The following GLIS3 variants were observed in gnomAD, a reference collection of about 807,000 sequenced individuals.
GLIS3 encodes zinc finger protein GLIS3.
GLIS3 carries 53 observed loss-of-function variants against 78.6 expected under a neutral mutation model. The ratio of observed to expected loss-of-function variants is 0.67; its 90% CI spans 0.54 to 0.85. The LOEUF is 0.85. GLIS3 is among the 40% of genes least tolerant of loss of function. The pLI is 0.00. For synonymous variants in GLIS3, 684 were observed against 509.9 expected, an observed-to-expected ratio of 1.34 and a Z score of -4.60; for missense variants, 1,703 against 1,231.1, an observed-to-expected ratio of 1.38 and a Z score of -5.74.
chr9:4,315,539 C>G (rs754068089), intron 2 of GLIS3, among the ~76,000 whole-genome samples: 4 of 152,064 alleles, frequency 2.6e-5, no homozygotes, highest in Non-Finnish European at 4.4e-5. Context: ...AGAGTTAATT[C>G]CTAAACTTCA....
chr9:4,316,817 G>A (rs1314114741), intron 2 of GLIS3, among the ~76,000 whole-genome samples: 1 of 152,180 alleles, frequency 6.6e-6, no homozygotes, highest in Non-Finnish European at 1.5e-5. Flanking sequence ...AAAAATGTAT[G>A]CATAGCTCAA....
rs144748718 is a variant in GLIS3, at chr9:3,924,709, A to T, written c.1983+7651T>A. Among the ~76,000 whole-genome samples, 41 of 152,344 alleles carry T rather than the reference A, an allele frequency of 2.7e-4. 1 individual carries two copies. The highest frequency in any genetic ancestry group is 9.6e-4 in the African/African-American group (40 of 41,576). On this transcript the variant is annotated intron_variant, in intron 6 of 10. Coordinates refer to ENST00000381971, the MANE Select transcript of GLIS3 (RefSeq NM_001042413.2). ...CTACCAGAGGGAGCAGTAATTGCACAAAGGACATGAATACTTTGGTGGGGA... is the reference window on the plus strand; with the variant it reads ...CTACCAGAGGGAGCAGTAATTGCACTAAGGACATGAATACTTTGGTGGGGA...
At chr9:4,054,181 G>T (rs950071162) in intron 4 of GLIS3, 3 of 255,444 alleles carry the variant, frequency 1.2e-5, no homozygotes, top group African/African-American at 6.9e-5. Context: ...GGACTCTCTG[G>T]TGGCACAGCA....
At chr9:4,368,984 A>G in the GLIS3 span, among the ~76,000 whole-genome samples, 2 of 152,202 alleles carry the variant, frequency 1.3e-5, no homozygotes, top group Non-Finnish European at 2.9e-5. Flanking sequence ...ACAATGGGAA[A>G]AAGAATGATG....
intron 2 of GLIS3, among the ~76,000 whole-genome samples, chr9:4,254,564 G>C (rs1587166310): frequency 1.3e-5 from 2 of 152,196 alleles, no homozygotes; most frequent in Non-Finnish European, 2.9e-5. Flanking sequence ...AAATGACCCA[G>C]CACGGTGGCT....
chr9:4,108,086 C>G (rs1225567337), intron 4 of GLIS3, among the ~76,000 whole-genome samples: 3 of 152,100 alleles, frequency 2.0e-5, no homozygotes, highest in East Asian at 3.8e-4. Context: ...GTCTGAATCT[C>G]AAATCCCAGA....
intron 2 of GLIS3, among the ~76,000 whole-genome samples, chr9:4,155,629 A>T (rs904062658): frequency 6.6e-6 from 1 of 152,166 alleles, no homozygotes; most frequent in African/African-American, 2.4e-5. Context: ...CCTGAATTTC[A>T]GAGAGTCCGA....
the GLIS3 span, among the ~76,000 whole-genome samples, chr9:4,407,732 C>T: frequency 4.1e-3 from 627 of 152,170 alleles, no homozygotes; most frequent in African/African-American, 0.014. Flanking sequence ...AGTAATACCC[C>T]GCAAGCGCAA....
At chr9:4,031,594 T>C (rs1480449206) in intron 4 of GLIS3, among the ~76,000 whole-genome samples, 1 of 152,198 alleles carries the variant, frequency 6.6e-6, no homozygotes, top group Non-Finnish European at 1.5e-5. Flanking sequence ...ATGTACTGAA[T>C]ACCACCAAAC....
intron 4 of GLIS3, among the ~76,000 whole-genome samples, chr9:3,981,872 T>A (rs983896253): frequency 1.3e-5 from 2 of 152,116 alleles, no homozygotes; most frequent in Non-Finnish European, 2.9e-5. Context: ...TCATGGGACA[T>A]TCAAAACCCT....
intron 2 of GLIS3, among the ~76,000 whole-genome samples, chr9:4,264,921 C>T (rs541403492): frequency 3.1e-4 from 47 of 151,992 alleles, no homozygotes; most frequent in African/African-American, 8.0e-4. Context: ...AATCCCAGCA[C>T]GGTGGGATGC....
intron 4 of GLIS3, among the ~76,000 whole-genome samples, chr9:3,941,031 T>C (rs13285589): frequency 0.093 from 14,145 of 152,196 alleles, 985 homozygotes; most frequent in African/African-American, 0.19. Flanking sequence ...AGAATCAGAA[T>C]GCTGGGAGTG....
chr9:4,155,472 C>G (rs1018862983), intron 2 of GLIS3, among the ~76,000 whole-genome samples: 3 of 152,150 alleles, frequency 2.0e-5, no homozygotes, highest in African/African-American at 4.8e-5. Flanking sequence ...TTTCTCTTAC[C>G]CTTTTCAATA....
At chr9:4,235,124 C>T (rs1587081256) in intron 2 of GLIS3, among the ~76,000 whole-genome samples, 1 of 151,994 alleles carries the variant, frequency 6.6e-6, no homozygotes, top group East Asian at 1.9e-4. Context: ...CGGTGAAACT[C>T]TGTCTCTACT....
intron 2 of GLIS3, among the ~76,000 whole-genome samples, chr9:4,327,670 C>T (rs921943942): frequency 6.6e-6 from 1 of 152,244 alleles, no homozygotes; most frequent in African/African-American, 2.4e-5. Context: ...AGTGCCACCA[C>T]ATCACACAAC....
At chr9:4,327,223 C>A (rs925094314) in intron 2 of GLIS3, among the ~76,000 whole-genome samples, 1 of 151,994 alleles carries the variant, frequency 6.6e-6, no homozygotes, top group African/African-American at 2.4e-5. Flanking sequence ...AGGACCTGAA[C>A]AAAAAGGCCA....
intron 2 of GLIS3, among the ~76,000 whole-genome samples, chr9:4,237,398 C>G (rs374675561): frequency 1.4e-4 from 22 of 152,078 alleles, no homozygotes; most frequent in African/African-American, 4.6e-4. Context: ...AGAATTAAGT[C>G]TATAATATAA....
the GLIS3 span, among the ~76,000 whole-genome samples, chr9:4,380,497 G>C: frequency 2.0e-5 from 3 of 152,168 alleles, no homozygotes; most frequent in Non-Finnish European, 4.4e-5. Context: ...CAGAGCTGAA[G>C]ACAAAGATTT....
At chr9:4,303,780 T>G (rs1261108232), upstream of GLIS3, among the ~76,000 whole-genome samples, 1 of 152,212 alleles carries the variant, frequency 6.6e-6, no homozygotes, top group African/African-American at 2.4e-5. Flanking sequence ...CAGAGAAAGG[T>G]TGATGATGTA....
Sources: allele counts gnomAD v4.1 joint callset (sites outside exome capture counted in the v4.1 genomes callset), GRCh38; gene constraint gnomAD v4.1.1; transcripts MANE v1.5; gene names NCBI Gene and HGNC (gene_info 2026-07-23, HGNC 2026-07-21).